LHFPL2: variants seen among roughly 807,000 people sequenced by gnomAD.
LHFPL2 encodes the protein LHFPL tetraspan subfamily member 2, also known as LHFPL tetraspan subfamily member 2 protein.
In LHFPL2, 7 loss-of-function variants were observed where a neutral mutation model predicts 17.5. That is an observed-to-expected ratio of 0.40 (90% CI 0.23 to 0.75). The LOEUF is 0.75. Ranked by LOEUF, LHFPL2 falls within the 30% of genes least tolerant of loss-of-function variation. The pLI is 0.37. For missense variants in LHFPL2, 241 were observed against 294.8 expected, an observed-to-expected ratio of 0.82 and a Z score of 1.34; for synonymous variants, 134 against 116.2, an observed-to-expected ratio of 1.15 and a Z score of -0.99.
In LHFPL2 at chr5:78,584,979, T is replaced by C. The variant is rs1334002518; in HGVS notation, c.-244-20108A>G. ...CCTCTGAGCCAGGTGCGGGATATAA[T>C]CTCCTGGTGCGCTGTGTTTTTTTTT... On this transcript the variant is annotated intron_variant, in intron 2 of 4. Coordinates refer to ENST00000380345, the MANE Select transcript of LHFPL2 (RefSeq NM_005779.3). 2.1e-5 allele frequency among the ~76,000 whole-genome samples: 3 copies of C among 140,668 alleles called. No individual in the cohort carries two copies. The Admixed American group carries it at 2.2e-4, about 10-fold the overall frequency. The allele number at this position is 140,668 out of a possible 152,430, so 92.3% of individuals were successfully genotyped here.
chr5:78,495,458 C>A (rs1754575822), intron 4 of LHFPL2, among the ~76,000 whole-genome samples: 1 of 152,200 alleles, frequency 6.6e-6, no homozygotes, highest in Admixed American at 6.5e-5. Flanking sequence ...CACAGAGTAA[C>A]TGTCTGAAGA....
At chr5:78,562,658 A>G (rs1363173492) in intron 3 of LHFPL2, among the ~76,000 whole-genome samples, 1 of 152,010 alleles carries the variant, frequency 6.6e-6, no homozygotes, top group Non-Finnish European at 1.5e-5. Context: ...AAAGAAAGAA[A>G]GCAGGATCAG....
At chr5:78,489,407 G>T (rs1207504108) in intron 4 of LHFPL2, among the ~76,000 whole-genome samples, 1 of 152,148 alleles carries the variant, frequency 6.6e-6, no homozygotes, top group African/African-American at 2.4e-5. Flanking sequence ...AAGCAAATTG[G>T]TACTTTTCTT....
intron 3 of LHFPL2, among the ~76,000 whole-genome samples, chr5:78,541,411 C>T (rs1756110134): frequency 6.6e-6 from 1 of 152,176 alleles, no homozygotes; most frequent in Non-Finnish European, 1.5e-5. Context: ...AAAGCGCAGC[C>T]CTGGGATGTG....
intron 2 of LHFPL2, among the ~76,000 whole-genome samples, chr5:78,578,013 ACTCTT>A (rs1757175570): frequency 6.6e-6 from 1 of 152,096 alleles, no homozygotes; most frequent in South Asian, 2.1e-4. Flanking sequence ...AATTCTTTGA[ACTCTT>A]CTCTTTCTCT....
At chr5:78,557,700 G>A (rs76025877) in intron 3 of LHFPL2, among the ~76,000 whole-genome samples, 3,339 of 152,298 alleles carry the variant, frequency 0.022, 118 homozygotes, top group African/African-American at 0.077. Flanking sequence ...AATCAGGTAC[G>A]TTTCCAAGTT....
At chr5:78,617,995 A>T (rs938729179) in intron 2 of LHFPL2, among the ~76,000 whole-genome samples, 2 of 151,884 alleles carry the variant, frequency 1.3e-5, no homozygotes, top group African/African-American at 4.8e-5. Context: ...TTGAGTTCGG[A>T]AGTTTGAGAC....
intron 1 of LHFPL2, among the ~76,000 whole-genome samples, chr5:78,637,175 C>T (rs1390326011): frequency 2.0e-5 from 3 of 152,168 alleles, no homozygotes; most frequent in Non-Finnish European, 4.4e-5. Context: ...ATATGTCTAG[C>T]TAGCACCTTA....
rs186561072 is a variant in LHFPL2, at chr5:78,570,652, A to G, written c.-244-5781T>C. Among the ~76,000 whole-genome samples the G allele has an allele frequency of 2.6e-4, 39 of 147,566 alleles. 1 individual carries two copies. The highest frequency in any genetic ancestry group is 4.5e-5 in the Non-Finnish European group (3 of 67,138). Reference sequence around the variant, plus strand: ...ATATATAGTATATATATATATACGTATATATATATATACGTATGATCATTT... The same window carrying G: ...ATATATAGTATATATATATATACGTGTATATATATATACGTATGATCATTT... On this transcript the variant is annotated intron_variant, in intron 2 of 4. Coordinates refer to ENST00000380345, the MANE Select transcript of LHFPL2 (RefSeq NM_005779.3).
intron 2 of LHFPL2, among the ~76,000 whole-genome samples, chr5:78,617,218 C>T (rs549099218): frequency 2.2e-4 from 33 of 151,896 alleles, no homozygotes; most frequent in Admixed American, 7.9e-4. Context: ...TTAGTAGAGA[C>T]GGGGTTTCAT....
intron 3 of LHFPL2, among the ~76,000 whole-genome samples, chr5:78,550,254 T>A (rs1326982033): frequency 6.6e-6 from 1 of 152,168 alleles, no homozygotes; most frequent in Non-Finnish European, 1.5e-5. Context: ...CACAACCAGG[T>A]TCTCCACTTT....
At chr5:78,509,207 T>C (rs1038022083) in intron 4 of LHFPL2, among the ~76,000 whole-genome samples, 1 of 152,214 alleles carries the variant, frequency 6.6e-6, no homozygotes, top group Non-Finnish European at 1.5e-5. Context: ...TGTCAGGCTC[T>C]AGGAGACAGA....
At chr5:78,638,892 T>C (rs1402081818) in intron 1 of LHFPL2, among the ~76,000 whole-genome samples, 1 of 152,214 alleles carries the variant, frequency 6.6e-6, no homozygotes, top group Non-Finnish European at 1.5e-5. Context: ...GAAAGTCTCA[T>C]GATCAAGGTT....
intron 3 of LHFPL2, among the ~76,000 whole-genome samples, chr5:78,551,611 T>C (rs1245183207): frequency 6.6e-6 from 1 of 152,170 alleles, no homozygotes; most frequent in East Asian, 1.9e-4. Flanking sequence ...AACGAAGCCC[T>C]AGCAGCAGCC....
intron 2 of LHFPL2, among the ~76,000 whole-genome samples, chr5:78,584,915 G>A (rs1743311165): frequency 6.6e-6 from 1 of 151,244 alleles, no homozygotes; most frequent in Admixed American, 6.6e-5. Flanking sequence ...ATCTCTGACT[G>A]CTGTGCTAGC....
At chr5:78,597,076 C>G (rs1214131612) in intron 2 of LHFPL2, among the ~76,000 whole-genome samples, 1 of 152,230 alleles carries the variant, frequency 6.6e-6, no homozygotes, top group Non-Finnish European at 1.5e-5. Context: ...TTCCATATCA[C>G]AGTCACCTGT....
chr5:78,611,578 C>T (rs942542043), intron 2 of LHFPL2, among the ~76,000 whole-genome samples: 1 of 152,116 alleles, frequency 6.6e-6, no homozygotes, highest in African/African-American at 2.4e-5. Flanking sequence ...GGCTTCAGGG[C>T]TGGGGCAGAA....
chr5:78,518,729 G>A (rs1264430102), intron 3 of LHFPL2, among the ~76,000 whole-genome samples: 1 of 150,584 alleles, frequency 6.6e-6, no homozygotes, highest in Non-Finnish European at 1.5e-5. Context: ...GTCACTGCAC[G>A]CTCAAAGTTC....
intron 2 of LHFPL2, among the ~76,000 whole-genome samples, chr5:78,570,666 G>A (rs1244048034): frequency 2.7e-5 from 4 of 146,892 alleles, no homozygotes; most frequent in African/African-American, 5.1e-5. Context: ...ATATATATAC[G>A]TATGATCATT....
Sources: allele counts gnomAD v4.1 joint callset (sites outside exome capture counted in the v4.1 genomes callset), GRCh38; gene constraint gnomAD v4.1.1; transcripts MANE v1.5; gene names NCBI Gene and HGNC (gene_info 2026-07-23, HGNC 2026-07-21).